The following SYNE2 variants were observed in gnomAD, a reference collection of about 807,000 sequenced individuals.
SYNE2 encodes spectrin repeat containing nuclear envelope protein 2.
SYNE2 carries 431 observed loss-of-function variants against 856.3 expected under a neutral mutation model. That is an observed-to-expected ratio of 0.50 (90% CI 0.47 to 0.55). The LOEUF is 0.55. SYNE2 is among the 20% of genes least tolerant of loss of function. SYNE2 has a pLI of 0.00. For synonymous variants in SYNE2, 2,923 were observed against 2,872.3 expected, an observed-to-expected ratio of 1.02 and a Z score of -0.56; for missense variants, 8,129 against 8,023.2, an observed-to-expected ratio of 1.01 and a Z score of -0.50.
Position 63,790,169 on chromosome 14 carries a change from C to CA in SYNE2, c.-305+28190dup, listed in dbSNP as rs1247592526. ...GCAACATGGCAAAACCCCATCCCTA[C>CA]AAAAAAATACAAAACAGCTGGGTAT... On this transcript the variant is annotated intron_variant, in intron 1 of 23. Coordinates refer to the SYNE2 transcript ENST00000674003. Among the ~76,000 whole-genome samples the CA allele has an allele frequency of 6.6e-4, 100 of 151,816 alleles. 4 individuals are homozygous for CA. Among genetic ancestry groups the CA allele is most frequent in the Non-Finnish European group, 5.9e-5 (4 of 67,976 alleles).
rs1216916308 is a variant in SYNE2 at position 64,143,752 on chromosome 14, T to C, written c.15307-20T>C. Reference sequence around the variant, plus strand: ...ACCAACATTCATGACTGCTTTGGTGTTTAACTTTGCTTATTTTAGGAGTTT... The same window carrying C: ...ACCAACATTCATGACTGCTTTGGTGCTTAACTTTGCTTATTTTAGGAGTTT... On this transcript the variant is annotated intron_variant, in intron 82 of 115. Coordinates refer to ENST00000555002, the MANE Select transcript of SYNE2 (RefSeq NM_182914.3). The C allele has an allele frequency of 6.2e-7, 1 of 1,613,950 alleles. No homozygotes were observed. The highest frequency in any genetic ancestry group is 8.5e-7 in the Non-Finnish European group (1 of 1,179,874).
rs771447702 is a variant in SYNE2, at chr14:64,216,298, T to C, written c.19453T>C (p.Cys6485Arg). 6.2e-7 allele frequency: 1 copy of C among 1,614,240 alleles called. No homozygotes were observed. Among genetic ancestry groups the C allele is most frequent in the South Asian group, 1.1e-5 (1 of 91,090 alleles). Reference protein sequence around the residue: ...HSWHVPDSPSCPEHHYKQMEG... With the variant: ...HSWHVPDSPSRPEHHYKQMEG... ...GTGGCATGTTCCCGACAGCCCTTCC[T>C]GTCCCGAGCATCACTACAAGCAAAT... Residue 6485 changes from cysteine to arginine, a missense_variant, in exon 108 of 116, where the codon TGT becomes CGT. Cys to Arg is a radical substitution (Grantham distance 180). This residue lies in a region of SYNE2 where 5,410 missense variants were observed against 5,284.8 expected (regional missense o/e 1.02). Coordinates refer to ENST00000555002, the MANE Select transcript of SYNE2 (RefSeq NM_182914.3).
At position 64,025,391 on chromosome 14, in the gene SYNE2, GCCA is replaced by G; in HGVS notation, c.6224_6226del (p.Pro2075del). ...TTTTGAATTCATCCGAAGGCAAAAT[GCCA>G]CTTGAGGAAAGAATCCAAAAAATCA... On this transcript the variant is annotated inframe_deletion, in exon 41 of 116. Transcript: ENST00000555002. 6.2e-7 allele frequency: 1 copy of G among 1,613,176 alleles called. No homozygotes were observed. Among genetic ancestry groups the G allele is most frequent in the East Asian group, 2.2e-5 (1 of 44,856 alleles).
chr14:63,889,046 C>CAAAAAAA (rs200729691), intron 1 of SYNE2, among the ~76,000 whole-genome samples: 2 of 108,642 alleles, frequency 1.8e-5, no homozygotes, highest in East Asian at 3.2e-4. Context: ...TACTAAAATA[C>CAAAAAAA]AAAAAAAAAA....
Position 64,163,587 on chromosome 14 carries a change from T to C in SYNE2, c.16479+6T>C, listed in dbSNP as rs761444930. 1.9e-6 allele frequency: 3 copies of C among 1,614,036 alleles called. No individual in the cohort carries two copies. The Middle Eastern group carries it at 5.0e-4, about 269-fold the overall frequency. On this transcript the variant is annotated splice_donor_region_variant and intron_variant, in intron 89 of 115. Transcript: ENST00000555002. Reference sequence around the variant, plus strand: ...TGAAAGCAAATGAATTTGAGGTTCATCTTTTCTTTCCATTCAAGTTTTAGT... The same window carrying C: ...TGAAAGCAAATGAATTTGAGGTTCACCTTTTCTTTCCATTCAAGTTTTAGT...
chr14:64,179,365 C>T (rs1384284946), intron 96 of SYNE2, among the ~76,000 whole-genome samples: 1 of 152,084 alleles, frequency 6.6e-6, no homozygotes, highest in Non-Finnish European at 1.5e-5. Context: ...TCTTGAACTC[C>T]TGGGGCCTCA....
chr14:64,095,647 G>C (rs997728020), intron 61 of SYNE2, among the ~76,000 whole-genome samples: 1 of 152,100 alleles, frequency 6.6e-6, no homozygotes, highest in Non-Finnish European at 1.5e-5. Context: ...GGATAGTTCA[G>C]CTTACAACTC....
In SYNE2 at chr14:64,076,114, C is replaced by G; in HGVS notation, c.11022+14C>G. 1 of 1,611,256 alleles carries G rather than the reference C, an allele frequency of 6.2e-7. No homozygotes were observed. The highest frequency in any genetic ancestry group is 1.1e-5 in the South Asian group (1 of 90,870). On this transcript the variant is annotated intron_variant, in intron 54 of 115. Transcript: ENST00000555002. ...ATAGATGAGAAGGTAATAATAATGT[C>G]TGTACTACTGTTATTATTTACGGAG... is the stretch of plus-strand genomic sequence containing the variant.
upstream of SYNE2, chr14:63,852,921 C>T: frequency 6.6e-6 from 1 of 151,946 alleles, no homozygotes; most frequent in South Asian, 2.1e-4. Context: ...GGGGCGAGCG[C>T]GGGACCCGGA....
chr14:63,940,681 C>CA lies in SYNE2; in HGVS notation c.141+9dup. 6.2e-7 allele frequency: 1 copy of CA among 1,613,560 alleles called. No homozygotes were observed. The highest frequency in any genetic ancestry group is 8.5e-7 in the Non-Finnish European group (1 of 1,179,504). ...TAAACTCACAGTTGGCCAGGGTAAG[C>CA]AAATGAAGACCAAATTAGTTTATAA... On this transcript the variant is annotated splice_region_variant and intron_variant, in intron 3 of 115. Transcript: ENST00000555002.
chr14:63,820,110 A>G (rs1023986228), intron 1 of SYNE2, among the ~76,000 whole-genome samples: 2 of 152,200 alleles, frequency 1.3e-5, no homozygotes, highest in African/African-American at 2.4e-5. Context: ...GGAAATGCAA[A>G]TAACCTAGAT....
At chr14:63,773,863 A>G (rs1887012511) in intron 1 of SYNE2, among the ~76,000 whole-genome samples, 1 of 152,202 alleles carries the variant, frequency 6.6e-6, no homozygotes, top group Non-Finnish European at 1.5e-5. Context: ...TGATAGAATA[A>G]TCTCTTGTTT....
chr14:63,935,088 A>G (rs1010267826), intron 2 of SYNE2, among the ~76,000 whole-genome samples: 3 of 152,256 alleles, frequency 2.0e-5, no homozygotes, highest in South Asian at 4.1e-4. Context: ...GGACAAAACA[A>G]TGAAAACATT....
chr14:64,034,482 C>A, intron 45 of SYNE2: 3 of 495,888 alleles, frequency 6.0e-6, no homozygotes, highest in South Asian at 6.9e-5. Context: ...TAGTAAATGT[C>A]ATTAATCTTA....
intron 1 of SYNE2, among the ~76,000 whole-genome samples, chr14:63,780,101 T>C (rs560072245): frequency 2.6e-5 from 4 of 152,142 alleles, no homozygotes; most frequent in African/African-American, 9.6e-5. Context: ...GAAATACAAC[T>C]GGAAAATGAA....
At chr14:64,132,872 C>T (rs1372598810) in intron 77 of SYNE2, among the ~76,000 whole-genome samples, 1 of 152,174 alleles carries the variant, frequency 6.6e-6, no homozygotes, top group Non-Finnish European at 1.5e-5. Flanking sequence ...ATTCCCCTCA[C>T]ACCTTTCATA....
At chr14:63,837,472 G>A (rs1889896478) in intron 1 of SYNE2, among the ~76,000 whole-genome samples, 1 of 152,284 alleles carries the variant, frequency 6.6e-6, no homozygotes, top group South Asian at 2.1e-4. Flanking sequence ...AAAAACTTTT[G>A]TACTTCAAAG....
intron 46 of SYNE2, chr14:64,048,919 A>C (rs950363265): frequency 7.2e-5 from 11 of 151,970 alleles, no homozygotes; most frequent in African/African-American, 2.7e-4. Context: ...TAAAAAAAAA[A>C]AAAAAAAGCA....
At chr14:64,000,441 C>A in intron 27 of SYNE2, 121 bp from the exon 28 acceptor site, 2 of 931,408 alleles carry the variant, frequency 2.1e-6, no homozygotes, top group Non-Finnish European at 3.5e-6. Flanking sequence ...TTTTTAAACA[C>A]ATTTACATAT....
Sources: allele counts gnomAD v4.1 joint callset (sites outside exome capture counted in the v4.1 genomes callset), GRCh38; gene constraint gnomAD v4.1.1; regional missense constraint gnomAD v4.1.1; transcripts MANE v1.5; gene names NCBI Gene and HGNC (gene_info 2026-07-23, HGNC 2026-07-21).